JAG2: variants seen among roughly 807,000 people sequenced by gnomAD.
JAG2 encodes the protein protein jagged-2.
Under a neutral mutation model 141.7 loss-of-function variants are expected in JAG2, and 46 were observed. The observed-to-expected ratio is 0.32, with a 90% CI of 0.26 to 0.42. The LOEUF is 0.42. JAG2 is among the 10% of genes least tolerant of loss of function. The pLI is 1.00. For synonymous variants in JAG2, 862 were observed against 763.5 expected (o/e 1.13, Z -2.13); for missense variants, 1,500 against 1,817.5 (o/e 0.83, Z 3.18).
intron 2 of JAG2, among the ~76,000 whole-genome samples, chr14:105,162,328 C>A (rs1015675751): frequency 6.6e-6 from 1 of 152,064 alleles, no homozygotes; most frequent in Non-Finnish European, 1.5e-5. Context: ...TCATCTCCCA[C>A]CATCTGATTG....
intron 2 of JAG2, 25 bp from the exon 3 acceptor site, chr14:105,157,788 G>C (rs1010450007): frequency 1.3e-6 from 2 of 1,556,116 alleles, no homozygotes; most frequent in African/African-American, 1.4e-5. Flanking sequence ...AGGCGGGTCA[G>C]GTACCTGAGG....
intron 5 of JAG2, 32 bp downstream of exon 5, chr14:105,155,515 TGAGGGCAAAGGTTGG>T (rs746830146): frequency 6.2e-7 from 1 of 1,605,604 alleles, no homozygotes; most frequent in Non-Finnish European, 8.5e-7. Context: ...AGTGAGGACG[TGAGGGCAAAGGTTGG>T]GAGGGCAAAG....
intron 20 of JAG2, 170 bp from the exon 21 acceptor site, chr14:105,146,894 C>A: frequency 2.9e-6 from 2 of 684,482 alleles, no homozygotes; most frequent in Admixed American, 2.0e-5. Flanking sequence ...CCTTCCTGAG[C>A]CCAGCCTGAC....
chr14:105,148,894 C>T, intron 14 of JAG2, 36 bp from the exon 15 acceptor site: 1 of 1,591,892 alleles, frequency 6.3e-7, no homozygotes. Context: ...GGGCCTCAGG[C>T]CAGCCCAGCC....
intron 2 of JAG2, among the ~76,000 whole-genome samples, chr14:105,158,299 G>T (rs1031086423): frequency 6.6e-6 from 1 of 152,266 alleles, no homozygotes; most frequent in East Asian, 1.9e-4. Flanking sequence ...CCAACAGGCC[G>T]GAGCTCAGGT....
chr14:105,152,564 G>A (rs1019327077), intron 5 of JAG2, among the ~76,000 whole-genome samples: 4 of 152,270 alleles, frequency 2.6e-5, no homozygotes, highest in Admixed American at 2.0e-4. Context: ...GCTGGGCCCC[G>A]AGAGCAGGCA....
At position 105,168,529 on chromosome 14, in the gene JAG2, A is replaced by AGCGGCAGCGGCAGAGGCG. The variant is rs1437470914; in HGVS notation, c.-127_-110dup. On this transcript the variant is annotated 5_prime_UTR_variant, in exon 1 of 26. Transcript: ENST00000331782. ...CCGCCCTCCGAGCGCCCGCAGAGGC[A>AGCGGCAGCGGCAGAGGCG]GCGGCAGCGGCAGAGGCGGCGGCGG... The AGCGGCAGCGGCAGAGGCG allele has an allele frequency of 1.3e-5, 2 of 158,206 alleles. No individual in the cohort carries two copies. Among genetic ancestry groups the AGCGGCAGCGGCAGAGGCG allele is most frequent in the African/African-American group, 5.0e-5 (2 of 39,696 alleles). 9.8% of individuals were successfully genotyped at this position (158,206 alleles called of 1,614,324 possible).
rs1889006568 is a variant in JAG2 at position 105,168,707 on chromosome 14, A to T, written c.-287T>A. The T allele has an allele frequency of 6.3e-6, 1 of 158,598 alleles. No homozygotes were observed. Among genetic ancestry groups the T allele is most frequent in the Non-Finnish European group, 1.3e-5 (1 of 74,168 alleles). 9.8% of individuals were successfully genotyped at this position (158,598 alleles called of 1,614,324 possible). On this transcript the variant is annotated 5_prime_UTR_variant, in exon 1 of 26. Coordinates refer to ENST00000331782, the MANE Select transcript of JAG2 (RefSeq NM_002226.5). Reference sequence around the variant, plus strand: ...CGGCGACGGCGGCGGCGGTGAAGGCAGCGGGTCCCGGCCTCGGCTCTGCGC... The same window carrying T: ...CGGCGACGGCGGCGGCGGTGAAGGCTGCGGGTCCCGGCCTCGGCTCTGCGC...
At position 105,168,356 on chromosome 14, in the gene JAG2, T is replaced by C; in HGVS notation, c.65A>G (p.Gln22Arg). 4 of 700,590 alleles carry C rather than the reference T, an allele frequency of 5.7e-6. No individual in the cohort carries two copies. The highest frequency in any genetic ancestry group is 7.4e-6 in the Non-Finnish European group (4 of 538,942). 43.4% of individuals were successfully genotyped at this position (700,590 alleles called of 1,614,324 possible). Residue 22 changes from glutamine (Q) to arginine (R), a missense_variant and splice_region_variant, in exon 1 of 26, where the codon CAG becomes CGG. By Grantham distance (43) the Gln-to-Arg change is conservative. Transcript: ENST00000331782. ...CGCCGCCCCCGCCGCCCCGCTCACC[T>C]GCACCCAGAGCGCCAGCAGCAGCAG... Reference protein sequence around the residue: ...RLLLLLALWVQAARPMGYFEL... With the variant: ...RLLLLLALWVRAARPMGYFEL...
intron 20 of JAG2, 56 bp downstream of exon 20, chr14:105,147,270 C>T: frequency 7.2e-7 from 1 of 1,394,906 alleles, no homozygotes. Flanking sequence ...CCCCAGACTC[C>T]TGACACCGCG....
chr14:105,157,764 C>A lies in JAG2; in HGVS notation c.418-1G>T. The A allele has an allele frequency of 6.3e-7, 1 of 1,576,160 alleles. No homozygotes were observed. The highest frequency in any genetic ancestry group is 1.2e-5 in the South Asian group (1 of 85,832). Reference sequence around the variant, plus strand: ...CCTCCACGATGAGGGTAAAGGAGCGCTGCAGACATGGGGAGGCGGGTCAGG... The same window carrying A: ...CCTCCACGATGAGGGTAAAGGAGCGATGCAGACATGGGGAGGCGGGTCAGG... On this transcript the variant is annotated splice_acceptor_variant, in intron 2 of 25. Coordinates refer to ENST00000331782, the MANE Select transcript of JAG2 (RefSeq NM_002226.5). LOFTEE classifies it high-confidence loss of function.
In JAG2 at chr14:105,152,145, C is replaced by T. The variant is rs201026401; in HGVS notation, c.919+16G>A. On this transcript the variant is annotated intron_variant, in intron 6 of 25. Coordinates refer to ENST00000331782, the MANE Select transcript of JAG2 (RefSeq NM_002226.5). ...TTCGATGGCAGAGCATTAGGCCTGC[C>T]GCCCCCTACCACTACCTTTGTCACA... The T allele has an allele frequency of 9.6e-4, 1,543 of 1,613,652 alleles. 31 individuals carry two copies. The South Asian group carries it at 0.016, about 16-fold the overall frequency.
At chr14:105,152,881 TCCAGCTGCACCC>T (rs983407448) in intron 5 of JAG2, among the ~76,000 whole-genome samples, 8 of 152,052 alleles carry the variant, frequency 5.3e-5, no homozygotes, top group South Asian at 2.1e-4. Flanking sequence ...CTGCAGGAGC[TCCAGCTGCACCC>T]CCAGCTGCAC....
At chr14:105,166,748 A>C (rs1054055022) in intron 2 of JAG2, among the ~76,000 whole-genome samples, 1 of 152,200 alleles carries the variant, frequency 6.6e-6, no homozygotes, top group Non-Finnish European at 1.5e-5. Flanking sequence ...GGCCCAGGAT[A>C]CCAGGTGGGC....
intron 9 of JAG2, 82 bp downstream of exon 9, chr14:105,151,201 C>G (rs1444922806): frequency 3.4e-6 from 5 of 1,480,344 alleles, no homozygotes; most frequent in Non-Finnish European, 4.6e-6. Context: ...CCCCAGCAGC[C>G]CCAGCAGCCC....
At position 105,141,051 on chromosome 14, in the gene JAG2, C is replaced by A. The variant is rs1470660434; in HGVS notation, c.*1644G>T. 1 of 152,250 alleles carries A rather than the reference C, an allele frequency of 6.6e-6. No individual in the cohort carries two copies. The highest frequency in any genetic ancestry group is 6.5e-5 in the Admixed American group (1 of 15,286). The allele number at this position is 152,250 out of a possible 1,614,324, so 9.4% of individuals were successfully genotyped here. A position where few individuals can be genotyped will look rare whatever the true frequency, so the allele number is the denominator to read the frequency against. ...TCTGCCTGTGCAAGGCAGCCTCACT[C>A]CCAGGCTGTCAGCAGGACTTTTTTT... On this transcript the variant is annotated 3_prime_UTR_variant, in exon 26 of 26. Transcript: ENST00000331782.
intron 2 of JAG2, among the ~76,000 whole-genome samples, chr14:105,162,807 T>C (rs373124528): frequency 2.0e-5 from 2 of 102,502 alleles, no homozygotes; most frequent in African/African-American, 3.6e-5. Context: ...CTCAGGGCAC[T>C]CCAGGTCCAG....
At chr14:105,151,232 G>A (rs770586160) in intron 9 of JAG2, 51 bp downstream of exon 9, 37 of 1,555,544 alleles carry the variant, frequency 2.4e-5, no homozygotes, top group South Asian at 6.8e-5. Context: ...AGCAGCCCCC[G>A]CAGCCCGCAT....
At chr14:105,144,133 T>C (rs587703279) in intron 24 of JAG2, among the ~76,000 whole-genome samples, 1 of 152,158 alleles carries the variant, frequency 6.6e-6, no homozygotes, top group South Asian at 2.1e-4. Context: ...ACCTGCTCCG[T>C]GATGGCCATC....
Sources: gnomAD v4.1 joint callset for allele counts (sites outside exome capture counted in the v4.1 genomes callset) on GRCh38, gnomAD v4.1.1 for gene constraint, MANE v1.5 for transcripts, NCBI Gene and HGNC (gene_info 2026-07-23, HGNC 2026-07-21) for gene names.